LDHAL6A: variants seen among roughly 807,000 people sequenced by gnomAD.
The protein encoded by LDHAL6A is L-lactate dehydrogenase A-like 6A.
A neutral mutation model predicts 28.2 loss-of-function variants in LDHAL6A; 19 were observed. The observed-to-expected ratio is 0.67, with a 90% CI of 0.47 to 0.99. The LOEUF is 0.99. LDHAL6A is among the 50% of genes least tolerant of loss of function. The pLI, the probability that LDHAL6A is intolerant of heterozygous loss-of-function variation, is 0.00. For missense variants in LDHAL6A, 372 were observed against 398.6 expected (o/e 0.93, Z 0.57); for synonymous variants, 144 against 134.4 (o/e 1.07, Z -0.49).
At chr11:18,462,419 C>T (rs1354694361) in intron 1 of LDHAL6A, among the ~76,000 whole-genome samples, 11 of 151,882 alleles carry the variant, frequency 7.2e-5, no homozygotes, top group East Asian at 5.8e-4. Context: ...GGGCGGATCA[C>T]TAGGTCAGGA....
intron 6 of LDHAL6A, 124 bp downstream of exon 6, chr11:18,477,867 C>A: frequency 3.6e-6 from 3 of 836,682 alleles, no homozygotes; most frequent in Non-Finnish European, 5.4e-6. Context: ...GAAGTCTGTT[C>A]TTTGCTGCTG....
Position 18,467,916 on chromosome 11 carries a change from TATACAC to T in LDHAL6A, c.418+2108_418+2113del, listed in dbSNP as rs1184054929. 5.8e-4 allele frequency among the ~76,000 whole-genome samples: 32 copies of T among 54,974 alleles called. 1 individual carries two copies. Among genetic ancestry groups the T allele is most frequent in the Admixed American group, 1.7e-3 (7 of 4,088 alleles). 36.1% of individuals were successfully genotyped at this position (54,974 alleles called of 152,430 possible). On this transcript the variant is annotated intron_variant, in intron 3 of 6. Coordinates refer to ENST00000280706, the MANE Select transcript of LDHAL6A (RefSeq NM_144972.5). ...ATATATATATATATATATATATATA[TATACAC>T]ACACATATATATATACACACACATA...
intron 3 of LDHAL6A, among the ~76,000 whole-genome samples, chr11:18,470,762 C>T (rs553059518): frequency 6.6e-6 from 1 of 151,880 alleles, no homozygotes; most frequent in East Asian, 1.9e-4. Context: ...TCTCGGCTCA[C>T]TGCCACCTCC....
chr11:18,465,731 T>C lies in LDHAL6A; in HGVS notation c.339T>C (p.Asn113=). Reference sequence around the variant, plus strand: ...CACGCCTTGATTTAGTCCAGCGAAATGTATCCATCTTTAAATTAATGATTC... The same window carrying C: ...CACGCCTTGATTTAGTCCAGCGAAACGTATCCATCTTTAAATTAATGATTC... The part of the protein sequence containing the change: ...GETRLDLVQR[N]VSIFKLMIPN... The change falls in exon 3 of 7, where the codon AAT becomes AAC. Residue 113 remains asparagine, a synonymous_variant. Transcript: ENST00000280706. The C allele has an allele frequency of 1.2e-6, 2 of 1,613,808 alleles. No individual in the cohort carries two copies. Among genetic ancestry groups the C allele is most frequent in the Non-Finnish European group, 1.7e-6 (2 of 1,179,668 alleles).
At chr11:18,473,390 T>TAGACAGAC (rs34670581) in intron 3 of LDHAL6A, among the ~76,000 whole-genome samples, 313 of 151,742 alleles carry the variant, frequency 2.1e-3, no homozygotes, top group South Asian at 7.7e-3. Flanking sequence ...GGTAGGTAGG[T>TAGACAGAC]AGACAGACAG....
chr11:18,477,776 CAACAT>C lies in LDHAL6A; in HGVS notation c.834+36_834+40del, dbSNP rs755824407. On this transcript the variant is annotated intron_variant, in intron 6 of 6. Transcript: ENST00000280706. ...ATTCATGTTCGAAAAATCATTAACT[CAACAT>C]AAAATAGGGGGGTAAAGAACATTTT... The C allele has an allele frequency of 3.4e-4, 530 of 1,569,312 alleles. 1 individual carries two copies. Among genetic ancestry groups the C allele is most frequent in the Non-Finnish European group, 4.0e-4 (465 of 1,159,886 alleles).
At chr11:18,459,283 A>G (rs1309240267) in intron 1 of LDHAL6A, among the ~76,000 whole-genome samples, 2 of 152,216 alleles carry the variant, frequency 1.3e-5, no homozygotes, top group African/African-American at 4.8e-5. Context: ...AGACTGGCTA[A>G]GTCTTCCAGC....
Position 18,456,744 on chromosome 11 carries a change from A to G in LDHAL6A, c.64A>G (p.Lys22Glu), listed in dbSNP as rs1264330711. Residue 22 changes from lysine to glutamate, a missense_variant, in exon 1 of 7, where the codon AAG (lysine) becomes GAG (glutamate). Lys to Glu is a moderately conservative substitution (Grantham distance 56, BLOSUM62 1). Coordinates refer to ENST00000280706, the MANE Select transcript of LDHAL6A (RefSeq NM_144972.5). The part of the protein sequence containing the change: ...FAEEEAIHHN[K>E]ISIVGTGSVG... ...GGAAGAGGAGGCCATTCATCACAAT[A>G]AGATCTCCATTGTAGGAACTGGATC... 6.2e-7 allele frequency: 1 copy of G among 1,613,508 alleles called. No homozygotes were observed.
chr11:18,463,240 T>G (rs1006870723), intron 1 of LDHAL6A, among the ~76,000 whole-genome samples: 1 of 152,124 alleles, frequency 6.6e-6, no homozygotes, highest in African/African-American at 2.4e-5. Context: ...GATTAATCTA[T>G]GGATGAATGG....
Position 18,456,550 on chromosome 11 carries a change from G to A in LDHAL6A, c.-131G>A. On this transcript the variant is annotated 5_prime_UTR_variant, in exon 1 of 7. Transcript: ENST00000280706. The stretch of plus-strand genomic sequence containing the variant: ...TTTGTCGGTCTTTTGTGTGTCTGCA[G>A]CACCTCCTTCCACACGGGCCCAGGA... 1 of 735,340 alleles carries A rather than the reference G, an allele frequency of 1.4e-6. No individual in the cohort carries two copies. The highest frequency in any genetic ancestry group is 2.2e-6 in the Non-Finnish European group (1 of 451,786). The allele number at this position is 735,340 out of a possible 1,614,324, so 45.6% of individuals were successfully genotyped here.
At chr11:18,470,911 TCCTAA>T (rs759939371) in intron 3 of LDHAL6A, among the ~76,000 whole-genome samples, 2 of 152,120 alleles carry the variant, frequency 1.3e-5, no homozygotes, top group Non-Finnish European at 2.9e-5. Flanking sequence ...GGTCTCAAAC[TCCTAA>T]CCCCAAGAGA....
intron 1 of LDHAL6A, among the ~76,000 whole-genome samples, chr11:18,462,651 CAAACAAAA>C (rs1366020224): frequency 2.6e-4 from 14 of 54,402 alleles, no homozygotes; most frequent in Admixed American, 5.0e-4. Context: ...AACAAACAAA[CAAACAAAA>C]AAAAAAACAA....
At chr11:18,465,850 G>T (rs774124979) in intron 3 of LDHAL6A, 40 bp downstream of exon 3, 4 of 1,512,244 alleles carry the variant, frequency 2.6e-6, no homozygotes, top group Non-Finnish European at 3.7e-6. Flanking sequence ...TTTAGATTCG[G>T]GGGTACACTG....
intron 3 of LDHAL6A, among the ~76,000 whole-genome samples, chr11:18,470,015 G>A (rs566799945): frequency 7.0e-4 from 107 of 152,060 alleles, no homozygotes; most frequent in Non-Finnish European, 1.0e-3. Context: ...TGCAATCTCC[G>A]CCTCCCAGGT....
chr11:18,462,205 A>T (rs1015951502), intron 1 of LDHAL6A, among the ~76,000 whole-genome samples: 24 of 152,078 alleles, frequency 1.6e-4, no homozygotes, highest in African/African-American at 5.3e-4. Flanking sequence ...ATTCAGAAAG[A>T]TACATACAAG....
At chr11:18,465,547 CAT>C (rs569212408) in intron 2 of LDHAL6A, 88 bp from the exon 3 acceptor site, 80 of 1,059,960 alleles carry the variant, frequency 7.5e-5, no homozygotes, top group Admixed American at 1.4e-4. Flanking sequence ...CTTTGGTAAA[CAT>C]AGTGTGGTGA....
intron 3 of LDHAL6A, among the ~76,000 whole-genome samples, chr11:18,466,933 C>T (rs1350568161): frequency 5.9e-5 from 9 of 152,044 alleles, no homozygotes; most frequent in East Asian, 1.9e-4. Flanking sequence ...AAAATAACTT[C>T]GAGAGTTTTT....
At chr11:18,457,071 T>G (rs1590242996) in intron 1 of LDHAL6A, among the ~76,000 whole-genome samples, 1 of 152,212 alleles carries the variant, frequency 6.6e-6, no homozygotes, top group African/African-American at 2.4e-5. Flanking sequence ...GAGGTACCCC[T>G]TTGCTTGATT....
intron 3 of LDHAL6A, among the ~76,000 whole-genome samples, chr11:18,474,070 T>A (rs1380797711): frequency 6.6e-6 from 1 of 152,120 alleles, no homozygotes; most frequent in East Asian, 1.9e-4. Context: ...TCTTAAAGTA[T>A]TTTTCTTTCT....
Sources: gnomAD v4.1 joint callset for allele counts (sites outside exome capture counted in the v4.1 genomes callset) on GRCh38, gnomAD v4.1.1 for gene constraint, MANE v1.5 for transcripts, NCBI Gene and HGNC (gene_info 2026-07-23, HGNC 2026-07-21) for gene names.